PPA2: variants seen among roughly 807,000 people sequenced by gnomAD.
The protein encoded by PPA2 is inorganic pyrophosphatase 2, mitochondrial.
PPA2 carries 48 observed loss-of-function variants against 49.5 expected under a neutral mutation model. That is an observed-to-expected ratio of 0.97 (90% CI 0.77 to 1.23). PPA2 has a LOEUF of 1.23. Ranked by LOEUF, PPA2 falls within the 50% of genes most tolerant of loss-of-function variation. PPA2 has a pLI of 0.00. For missense variants in PPA2, 429 were observed against 410.1 expected (o/e 1.05, Z -0.40); for synonymous variants, 131 against 139.9 (o/e 0.94, Z 0.45).
At chr4:105,399,259 G>A in intron 7 of PPA2, 95 bp from the exon 8 acceptor site, 3 of 1,232,878 alleles carry the variant, frequency 2.4e-6, no homozygotes, top group Non-Finnish European at 2.2e-6. Flanking sequence ...GGAAACATGG[G>A]GCCCAGTCTA....
chr4:105,473,836 C>T (rs1369378387), intron 1 of PPA2, 58 bp downstream of exon 1: 1 of 1,557,840 alleles, frequency 6.4e-7, no homozygotes, highest in African/African-American at 1.4e-5. Context: ...TCCCCCATTC[C>T]ATCCCCCACC....
intron 7 of PPA2, among the ~76,000 whole-genome samples, chr4:105,417,073 C>T (rs1368161660): frequency 6.6e-6 from 1 of 152,102 alleles, no homozygotes; most frequent in East Asian, 1.9e-4. Flanking sequence ...ATACAGCTGC[C>T]TTGTATATGG....
intron 1 of PPA2, 134 bp downstream of exon 1, chr4:105,473,760 G>T: frequency 7.5e-7 from 1 of 1,333,372 alleles, no homozygotes; most frequent in Non-Finnish European, 1.1e-6. Flanking sequence ...AGGTGGCCTG[G>T]ACCGCGCGGC....
At chr4:105,443,591 T>TCACA (rs56765056) in intron 5 of PPA2, among the ~76,000 whole-genome samples, 4,019 of 145,422 alleles carry the variant, frequency 0.028, 66 homozygotes, top group Middle Eastern at 0.056. Flanking sequence ...TATGGTGTAT[T>TCACA]CACACACACA....
intron 7 of PPA2, among the ~76,000 whole-genome samples, chr4:105,414,779 C>G (rs1722929578): frequency 6.6e-6 from 1 of 152,166 alleles, no homozygotes. Flanking sequence ...AGGGTTCTTT[C>G]AGTTTCGCCA....
intron 7 of PPA2, chr4:105,399,607 AACTGGAC>A (rs1427268010): frequency 3.3e-5 from 5 of 153,320 alleles, no homozygotes; most frequent in African/African-American, 1.2e-4. Flanking sequence ...GTACATCACT[AACTGGAC>A]AAGAGGGGAA....
In PPA2 at chr4:105,426,384, C is replaced by T. The variant is rs1723510968; in HGVS notation, c.529-2062G>A. ...CAAGCCAAAGAAGGGCAGGATGTTG[C>T]CTCACCCAGGAAGCGCCAGGGGTCA... is the stretch of plus-strand genomic sequence containing the variant. On this transcript the variant is annotated intron_variant, in intron 6 of 11. Transcript: ENST00000341695. Among the ~76,000 whole-genome samples the T allele has an allele frequency of 3.9e-5, 6 of 152,290 alleles. No individual in the cohort carries two copies. The South Asian group carries it at 1.2e-3, about 32-fold the overall frequency.
chr4:105,417,650 G>A (rs1210002684), intron 7 of PPA2, among the ~76,000 whole-genome samples: 1 of 151,338 alleles, frequency 6.6e-6, no homozygotes, highest in African/African-American at 2.4e-5. Flanking sequence ...TTTTTAACTC[G>A]ATTTGTCCTT....
intron 7 of PPA2, among the ~76,000 whole-genome samples, chr4:105,414,816 G>A (rs1578836601): frequency 6.6e-6 from 1 of 152,124 alleles, no homozygotes; most frequent in East Asian, 1.9e-4. Flanking sequence ...TGCTTCTCCC[G>A]TACAGAAGAA....
intron 10 of PPA2, among the ~76,000 whole-genome samples, chr4:105,379,743 C>T (rs1255175825): frequency 6.6e-6 from 1 of 150,798 alleles, no homozygotes; most frequent in East Asian, 1.9e-4. Flanking sequence ...AAGCGATTAT[C>T]CTGCTTCAGA....
intron 5 of PPA2, among the ~76,000 whole-genome samples, chr4:105,443,978 T>C (rs1203523206): frequency 6.6e-6 from 1 of 152,202 alleles, no homozygotes; most frequent in Non-Finnish European, 1.5e-5. Flanking sequence ...TCCCATTCCC[T>C]GCTTAACTTT....
At chr4:105,395,905 G>A (rs1372711314) in intron 9 of PPA2, among the ~76,000 whole-genome samples, 1 of 152,042 alleles carries the variant, frequency 6.6e-6, no homozygotes, top group African/African-American at 2.4e-5. Context: ...TGATGAATAA[G>A]GAGGCTTTTA....
intron 10 of PPA2, among the ~76,000 whole-genome samples, chr4:105,378,441 G>A (rs1733346264): frequency 6.6e-6 from 1 of 152,030 alleles, no homozygotes; most frequent in South Asian, 2.1e-4. Context: ...AAAACTGAAT[G>A]TTTTGTTTTC....
intron 1 of PPA2, 98 bp from the exon 2 acceptor site, chr4:105,456,843 AC>A (rs1365990850): frequency 4.2e-6 from 4 of 957,710 alleles, no homozygotes; most frequent in Non-Finnish European, 5.8e-6. Flanking sequence ...TTTTAAACTT[AC>A]GCATTTTTTA....
intron 5 of PPA2, among the ~76,000 whole-genome samples, chr4:105,439,467 G>A (rs111521830): frequency 0.02 from 3,104 of 152,026 alleles, 46 homozygotes; most frequent in Middle Eastern, 0.061. Context: ...CAGTCTTCCC[G>A]TTACTGCTTC....
chr4:105,408,943 C>G (rs1722611119), intron 7 of PPA2, among the ~76,000 whole-genome samples: 1 of 152,094 alleles, frequency 6.6e-6, no homozygotes, highest in Admixed American at 6.5e-5. Context: ...TCCAAAATGG[C>G]CAAATAGGAA....
At chr4:105,410,089 CA>C (rs1177647523) in intron 7 of PPA2, among the ~76,000 whole-genome samples, 1 of 152,220 alleles carries the variant, frequency 6.6e-6, no homozygotes, top group Non-Finnish European at 1.5e-5. Context: ...AAGTAGGCTT[CA>C]GAAGGTCAGT....
intron 5 of PPA2, among the ~76,000 whole-genome samples, chr4:105,445,994 G>A (rs1219638375): frequency 6.6e-6 from 1 of 151,996 alleles, no homozygotes; most frequent in Non-Finnish European, 1.5e-5. Context: ...ATCTGTTAAA[G>A]TTTAAAATAT....
chr4:105,387,446 C>G (rs1414855350), intron 9 of PPA2, among the ~76,000 whole-genome samples: 16 of 152,074 alleles, frequency 1.1e-4, no homozygotes, highest in Non-Finnish European at 2.4e-4. Context: ...ACATATTCCC[C>G]CTCAAGTGGA....
Sources: gnomAD v4.1 joint callset for allele counts (sites outside exome capture counted in the v4.1 genomes callset) on GRCh38, gnomAD v4.1.1 for gene constraint, MANE v1.5 for transcripts, NCBI Gene and HGNC (gene_info 2026-07-23, HGNC 2026-07-21) for gene names.